The following VCPKMT variants were observed in gnomAD, a reference collection of about 807,000 sequenced individuals.
VCPKMT encodes the protein protein N-lysine methyltransferase METTL21D.
Under a neutral mutation model 28.6 loss-of-function variants are expected in VCPKMT, and 32 were observed. The ratio of observed to expected loss-of-function variants is 1.12; its 90% CI spans 0.84 to 1.50. The LOEUF (loss-of-function observed/expected upper bound fraction) is 1.50, where lower values mean the gene tolerates loss of function less well. Ranked by LOEUF, VCPKMT falls within the 40% of genes most tolerant of loss-of-function variation. The pLI is 0.00. For synonymous variants in VCPKMT, 138 were observed against 111.4 expected, an observed-to-expected ratio of 1.24 and a Z score of -1.50; for missense variants, 366 against 285.0, an observed-to-expected ratio of 1.28 and a Z score of -2.05.
At chr14:50,104,617 G>A (rs1049659751), downstream of VCPKMT, among the ~76,000 whole-genome samples, 12 of 151,486 alleles carry the variant, frequency 7.9e-5, no homozygotes, top group Admixed American at 1.3e-4. Flanking sequence ...CAAATACCTG[G>A]CCTGTGCCTA....
At chr14:50,112,484 G>A (rs1363589452) in intron 5 of VCPKMT, 131 bp downstream of exon 5, 6 of 565,046 alleles carry the variant, frequency 1.1e-5, no homozygotes, top group Non-Finnish European at 1.8e-5. Context: ...TGAAGTTACT[G>A]CCTGAGTCCA....
intron 5 of VCPKMT, chr14:50,112,109 A>G: frequency 1.0e-6 from 1 of 968,108 alleles, no homozygotes; most frequent in South Asian, 4.8e-5. Context: ...TTAATAAGGA[A>G]AAGTTCACAA....
rs1172525761 is a variant in VCPKMT at position 50,109,520 on chromosome 14, G to A, written c.*179C>T. 1 of 1,313,048 alleles carries A rather than the reference G, an allele frequency of 7.6e-7. No individual in the cohort carries two copies. The highest frequency in any genetic ancestry group is 1.5e-5 in the African/African-American group (1 of 65,052). The allele number at this position is 1,313,048 out of a possible 1,614,324, so 81.3% of individuals were successfully genotyped here. On this transcript the variant is annotated 3_prime_UTR_variant, in exon 6 of 6. Coordinates refer to ENST00000395860, the MANE Select transcript of VCPKMT (RefSeq NM_024558.3). ...GGGCCATTGGCAGGCAGGCAGGCAAGCAGGAATTTTTCGTATTGCAGACAG... is the reference window on the plus strand; with the variant it reads ...GGGCCATTGGCAGGCAGGCAGGCAAACAGGAATTTTTCGTATTGCAGACAG...
Position 50,114,374 on chromosome 14 carries a change from C to A in VCPKMT, c.481G>T (p.Asp161Tyr), listed in dbSNP as rs1882950469. The A allele has an allele frequency of 1.3e-6, 2 of 1,569,952 alleles. No homozygotes were observed. The highest frequency in any genetic ancestry group is 1.4e-5 in the African/African-American group (1 of 73,040). The change falls in exon 4 of 6, where the codon GAT becomes TAT. Residue 161 changes from aspartate to tyrosine, a missense_variant. Transcript: ENST00000395860. ...SLEPLLKTLKDISGFETCIIC... is the reference protein window; with the variant it reads ...SLEPLLKTLKYISGFETCIIC... The stretch of plus-strand genomic sequence containing the variant: ...ATACAAGTTTCAAATCCGCTGATAT[C>A]TTTTAGAGTTTTCAGCAATGGCTCC...
intron 5 of VCPKMT, chr14:50,111,947 T>C (rs1770332820): frequency 1.6e-5 from 16 of 985,186 alleles, no homozygotes; most frequent in Non-Finnish European, 1.8e-5. Flanking sequence ...AAACCCTAGG[T>C]GTCACTGAGG....
At position 50,109,621 on chromosome 14, in the gene VCPKMT, C is replaced by T. The variant is rs1882501379; in HGVS notation, c.*78G>A. Reference sequence around the variant, plus strand: ...AAAAAATCTGTGAACACAATCTTCCCATGCTGTATTCACATGCTCTATTCA... The same window carrying T: ...AAAAAATCTGTGAACACAATCTTCCTATGCTGTATTCACATGCTCTATTCA... On this transcript the variant is annotated 3_prime_UTR_variant, in exon 6 of 6. Coordinates refer to ENST00000395860, the MANE Select transcript of VCPKMT (RefSeq NM_024558.3). The T allele has an allele frequency of 1.3e-6, 2 of 1,515,452 alleles. No homozygotes were observed. The highest frequency in any genetic ancestry group is 2.3e-4 in the Middle Eastern group (1 of 4,340). The allele number at this position is 1,515,452 out of a possible 1,614,324, so 93.9% of individuals were successfully genotyped here.
chr14:50,109,156 T>C lies in VCPKMT; in HGVS notation c.*543A>G. The C allele has an allele frequency of 1.1e-6, 1 of 914,842 alleles. No homozygotes were observed. Among genetic ancestry groups the C allele is most frequent in the Non-Finnish European group, 1.3e-6 (1 of 765,310 alleles). 56.7% of individuals were successfully genotyped at this position (914,842 alleles called of 1,614,324 possible). A position where few individuals can be genotyped will look rare whatever the true frequency, so the allele number is the denominator to read the frequency against. On this transcript the variant is annotated 3_prime_UTR_variant, in exon 6 of 6. Transcript: ENST00000395860. ...ATACAAGACAATATCTCAGTTCTTT[T>C]TAAAATTAAAAGAACATTTCAGTAT...
At chr14:50,112,106 G>C in intron 5 of VCPKMT, 2 of 976,740 alleles carry the variant, frequency 2.0e-6, no homozygotes, top group Non-Finnish European at 2.4e-6. Flanking sequence ...TTTTTAATAA[G>C]GAAAAGTTCA....
chr14:50,105,094 T>C (rs1882278209), downstream of VCPKMT, among the ~76,000 whole-genome samples: 1 of 152,214 alleles, frequency 6.6e-6, no homozygotes, highest in South Asian at 2.1e-4. Flanking sequence ...AAGTAGATTC[T>C]ATTTTAACAA....
chr14:50,116,153 T>G lies in VCPKMT; in HGVS notation c.293A>C (p.Glu98Ala). 1.2e-6 allele frequency: 2 copies of G among 1,614,072 alleles called. No individual in the cohort carries two copies. Among genetic ancestry groups the G allele is most frequent in the South Asian group, 2.2e-5 (2 of 91,078 alleles). ...CATCTTCAGCAAGTCTTGCAATTCC[T>G]CAAGATCGGTGACTACAACATCAGC... ...LGADVVVTDL[E>A]ELQDLLKMNI... Residue 98 changes from glutamate (E) to alanine (A), a missense_variant, in exon 2 of 6, where the codon GAG becomes GCG. Transcript: ENST00000395860.
intron 4 of VCPKMT, 38 bp from the exon 5 acceptor site, chr14:50,112,757 T>C (rs1362273292): frequency 7.2e-6 from 10 of 1,395,112 alleles, no homozygotes; most frequent in African/African-American, 1.5e-5. Flanking sequence ...AATTCAATAA[T>C]ATGAACTGAC....
At position 50,108,845 on chromosome 14, in the gene VCPKMT, T is replaced by C. The variant is rs1235718391; in HGVS notation, c.*854A>G. 10 of 985,090 alleles carry C rather than the reference T, an allele frequency of 1.0e-5. No homozygotes were observed. In the East Asian group the frequency reaches 5.7e-4, roughly 56 times the overall value. 61.0% of individuals were successfully genotyped at this position (985,090 alleles called of 1,614,324 possible). On this transcript the variant is annotated 3_prime_UTR_variant, in exon 6 of 6. Coordinates refer to ENST00000395860, the MANE Select transcript of VCPKMT (RefSeq NM_024558.3). Reference sequence around the variant, plus strand: ...TTGGTATATACATATAGAACTACATTTGTAGTTATTCAAAAACCTTTCACT... The same window carrying C: ...TTGGTATATACATATAGAACTACATCTGTAGTTATTCAAAAACCTTTCACT...
chr14:50,108,687 A>G lies in VCPKMT; in HGVS notation c.*1012T>C, dbSNP rs1449250870. 1 of 985,748 alleles carries G rather than the reference A, an allele frequency of 1.0e-6. No homozygotes were observed. Among genetic ancestry groups the G allele is most frequent in the Non-Finnish European group, 1.2e-6 (1 of 829,932 alleles). 61.1% of individuals were successfully genotyped at this position (985,748 alleles called of 1,614,324 possible). On this transcript the variant is annotated 3_prime_UTR_variant, in exon 6 of 6. Coordinates refer to ENST00000395860, the MANE Select transcript of VCPKMT (RefSeq NM_024558.3). ...ACATAAAATGTACCATCTAGCACCA[A>G]TGCCTATAAATACCAGAATTCCATC...
chr14:50,115,301 C>G (rs373317474), intron 3 of VCPKMT, among the ~76,000 whole-genome samples: 2 of 152,110 alleles, frequency 1.3e-5, no homozygotes, highest in East Asian at 3.9e-4. Context: ...TACAGACATG[C>G]ACCACCACGC....
chr14:50,106,668 C>CCATACTTGCAAA, downstream of VCPKMT: 2 of 982,630 alleles, frequency 2.0e-6, no homozygotes, highest in South Asian at 4.7e-5. Flanking sequence ...TACTGGTCTC[C>CCATACTTGCAAA]CATACTTGCA....
chr14:50,115,566 T>C (rs913186158), intron 3 of VCPKMT, among the ~76,000 whole-genome samples: 2 of 152,260 alleles, frequency 1.3e-5, no homozygotes, highest in African/African-American at 2.4e-5. Flanking sequence ...TGGCTTTTCA[T>C]AACATCCAAT....
chr14:50,115,020 T>C (rs1883007557), intron 3 of VCPKMT, among the ~76,000 whole-genome samples: 1 of 152,228 alleles, frequency 6.6e-6, no homozygotes. Flanking sequence ...AGTTTAATTT[T>C]ATTTAATCTA....
chr14:50,109,536 T>C lies in VCPKMT; in HGVS notation c.*163A>G, dbSNP rs1882494350. ...GGCAGGCAAGCAGGAATTTTTCGTA[T>C]TGCAGACAGCCCCTGGTGGTCATCA... On this transcript the variant is annotated 3_prime_UTR_variant, in exon 6 of 6. Transcript: ENST00000395860. 1.5e-6 allele frequency: 2 copies of C among 1,324,372 alleles called. No homozygotes were observed. The highest frequency in any genetic ancestry group is 9.6e-7 in the Non-Finnish European group (1 of 1,039,470). 82.0% of individuals were successfully genotyped at this position (1,324,372 alleles called of 1,614,324 possible). A position where few individuals can be genotyped will look rare whatever the true frequency, so the allele number is the denominator to read the frequency against.
downstream of VCPKMT, among the ~76,000 whole-genome samples, chr14:50,106,130 A>G (rs957437795): frequency 6.6e-6 from 1 of 152,194 alleles, no homozygotes; most frequent in African/African-American, 2.4e-5. Flanking sequence ...TCTCAATTTA[A>G]GGCAAACATT....
Sources: gnomAD v4.1 joint callset for allele counts (sites outside exome capture counted in the v4.1 genomes callset) on GRCh38, gnomAD v4.1.1 for gene constraint, MANE v1.5 for transcripts, NCBI Gene and HGNC (gene_info 2026-07-23, HGNC 2026-07-21) for gene names.